Variants in ZNF469 observed in about 807,000 individuals in gnomAD.
The protein encoded by ZNF469 is zinc finger protein 469.
Under a neutral mutation model 1.0 loss-of-function variants are expected in ZNF469, and 1 was observed. The observed-to-expected ratio is 1.00, with a 90% confidence interval of 0.35 to 4.73. ZNF469 has a LOEUF of 4.73. Ranked by LOEUF, ZNF469 falls within the 30% of genes most tolerant of loss-of-function variation. ZNF469 has a pLI of 0.16. For missense variants in ZNF469, 6,100 were observed against 5,356.3 expected (o/e 1.14, Z -4.33); for synonymous variants, 2,703 against 2,363.4 (o/e 1.14, Z -4.17).
At chr16:88,220,519 C>T in the ZNF469 span, among the ~76,000 whole-genome samples, 43 of 152,276 alleles carry the variant, frequency 2.8e-4, 1 homozygote, top group East Asian at 5.0e-3. Context: ...CATGACGGGA[C>T]GGGGGTGAAC....
In ZNF469 at chr16:88,427,332, C is replaced by T. The variant is rs1905755250; in HGVS notation, c.-126-13C>T. 4.2e-6 allele frequency: 4 copies of T among 944,352 alleles called. No individual in the cohort carries two copies. Among genetic ancestry groups the T allele is most frequent in the East Asian group, 2.8e-5 (1 of 35,798 alleles). The allele number at this position is 944,352 out of a possible 1,614,324, so 58.5% of individuals were successfully genotyped here. On this transcript the variant is annotated splice_polypyrimidine_tract_variant and intron_variant, in intron 2 of 2. Coordinates refer to ENST00000565624, the MANE Select transcript of ZNF469 (RefSeq NM_001367624.2). ...GCCCCTCTGCCCCACTCACCCCTGA[C>T]CTTTCCTTCCAGGCTCCACTCAGGA... is the stretch of plus-strand genomic sequence containing the variant.
the ZNF469 span, among the ~76,000 whole-genome samples, chr16:88,192,943 GTGA>G: frequency 2.0e-3 from 293 of 143,350 alleles, no homozygotes; most frequent in African/African-American, 6.4e-3. Context: ...AGTGATGATG[GTGA>G]TGATGATGAG....
the ZNF469 span, among the ~76,000 whole-genome samples, chr16:88,332,069 A>G: frequency 6.6e-6 from 1 of 152,198 alleles, no homozygotes; most frequent in East Asian, 1.9e-4. Context: ...TTTGGCAGAT[A>G]GCTTTCCTCA....
At chr16:88,305,467 C>T in the ZNF469 span, among the ~76,000 whole-genome samples, 1 of 151,358 alleles carries the variant, frequency 6.6e-6, no homozygotes, top group Non-Finnish European at 1.5e-5. Context: ...CACACGCACA[C>T]CCTCACACGT....
chr16:88,394,803 C>T (rs772138102), intron 1 of ZNF469, among the ~76,000 whole-genome samples: 3 of 152,222 alleles, frequency 2.0e-5, no homozygotes, highest in Non-Finnish European at 4.4e-5. Flanking sequence ...CCCCTGGACA[C>T]GTCGGAGCCC....
At chr16:88,350,041 C>A in the ZNF469 span, among the ~76,000 whole-genome samples, 1 of 152,118 alleles carries the variant, frequency 6.6e-6, no homozygotes, top group Non-Finnish European at 1.5e-5. Context: ...CCACATCACA[C>A]ACAGACACCC....
the ZNF469 span, among the ~76,000 whole-genome samples, chr16:88,332,415 C>G: frequency 6.6e-6 from 1 of 152,278 alleles, no homozygotes; most frequent in South Asian, 2.1e-4. Context: ...CCTGCCCCCT[C>G]TGTGCCGGCT....
At position 88,439,041 on chromosome 16, in the gene ZNF469, G is replaced by T; in HGVS notation, c.11571G>T (p.Val3857=). 6.4e-7 allele frequency: 1 copy of T among 1,550,444 alleles called. No individual in the cohort carries two copies. Among genetic ancestry groups the T allele is most frequent in the South Asian group, 1.2e-5 (1 of 84,058 alleles). Residue 3857 remains valine (V), a synonymous_variant, in exon 3 of 3, where the codon GTG becomes GTT. Coordinates refer to ENST00000565624, the MANE Select transcript of ZNF469 (RefSeq NM_001367624.2). ...TPRKQATPSR[V]LPTKPKPNSQ... Reference sequence around the variant, plus strand: ...GGAAGCAGGCAACTCCCAGCCGCGTGCTCCCGACCAAGCCCAAGCCCAACA... The same window carrying T: ...GGAAGCAGGCAACTCCCAGCCGCGTTCTCCCGACCAAGCCCAAGCCCAACA...
the ZNF469 span, among the ~76,000 whole-genome samples, chr16:88,266,913 T>A: frequency 6.6e-6 from 1 of 152,190 alleles, no homozygotes; most frequent in African/African-American, 2.4e-5. Flanking sequence ...CTTTGTATGA[T>A]CAGTGTTTAT....
the ZNF469 span, among the ~76,000 whole-genome samples, chr16:88,140,818 T>C: frequency 2.6e-5 from 4 of 152,066 alleles, no homozygotes; most frequent in Non-Finnish European, 5.9e-5. Flanking sequence ...CTATAATCCC[T>C]GCTACCTGGG....
chr16:88,169,845 G>T, the ZNF469 span, among the ~76,000 whole-genome samples: 1 of 152,242 alleles, frequency 6.6e-6, no homozygotes, highest in East Asian at 1.9e-4. This position sits in a 1 kb window ranked among gnomAD's most constrained non-coding sequence, Gnocchi z 6.1. Context: ...TGGCCCCTCC[G>T]CCTCTGGCAC....
the ZNF469 span, among the ~76,000 whole-genome samples, chr16:88,192,706 G>GTGATAATGGTGATGATGATGGTGT: frequency 2.5e-4 from 38 of 150,892 alleles, no homozygotes; most frequent in African/African-American, 9.2e-4. Context: ...GGTGATAAAG[G>GTGATAATGGTGATGATGATGGTGT]TGATAATGGT....
At chr16:88,109,952 C>G in the ZNF469 span, among the ~76,000 whole-genome samples, 6 of 152,226 alleles carry the variant, frequency 3.9e-5, no homozygotes, top group Non-Finnish European at 7.3e-5. Flanking sequence ...GTGGGTGGCA[C>G]AGGAGGAGTC....
At chr16:88,200,695 A>G in the ZNF469 span, among the ~76,000 whole-genome samples, 1 of 152,226 alleles carries the variant, frequency 6.6e-6, no homozygotes, top group East Asian at 1.9e-4. Flanking sequence ...GCCTGGTCTC[A>G]CTTCTAAAGC....
chr16:88,245,667 C>T, the ZNF469 span, among the ~76,000 whole-genome samples: 1 of 152,252 alleles, frequency 6.6e-6, no homozygotes, highest in Non-Finnish European at 1.5e-5. Flanking sequence ...GTGTCCTTCT[C>T]CCCCTTGCCT....
intron 1 of ZNF469, among the ~76,000 whole-genome samples, chr16:88,415,852 C>G (rs1905288373): frequency 6.6e-6 from 1 of 152,206 alleles, no homozygotes; most frequent in Non-Finnish European, 1.5e-5. Flanking sequence ...GAAGGCCACA[C>G]CCGGCACACA....
chr16:88,205,607 A>T, the ZNF469 span, among the ~76,000 whole-genome samples: 22 of 152,322 alleles, frequency 1.4e-4, no homozygotes, highest in Admixed American at 9.2e-4. This position sits in a 1 kb window ranked among gnomAD's most constrained non-coding sequence, Gnocchi z 4.2. Flanking sequence ...AACACACACA[A>T]GCAAAGAGAG....
the ZNF469 span, among the ~76,000 whole-genome samples, chr16:88,306,141 A>G: frequency 6.6e-6 from 1 of 152,230 alleles, no homozygotes. Flanking sequence ...GGGGCTTCCA[A>G]TGACAAGAGG....
chr16:88,391,151 G>A (rs980932503), intron 1 of ZNF469, among the ~76,000 whole-genome samples: 15 of 152,322 alleles, frequency 9.8e-5, no homozygotes, highest in Non-Finnish European at 1.8e-4. Flanking sequence ...CAAGTCCCCC[G>A]CAGCCTCAGT....
Sources: allele counts gnomAD v4.1 joint callset (sites outside exome capture counted in the v4.1 genomes callset), GRCh38; gene constraint gnomAD v4.1.1; non-coding constraint Gnocchi (gnomAD v3.1); transcripts MANE v1.5; gene names NCBI Gene and HGNC (gene_info 2026-07-23, HGNC 2026-07-21).